Variants in CTNND2 observed in about 807,000 individuals in gnomAD.
CTNND2 encodes catenin delta 2, also known as catenin delta-2.
A neutral mutation model predicts 144.4 loss-of-function variants in CTNND2; 22 were observed. The observed-to-expected ratio is 0.15, with a 90% CI of 0.11 to 0.22. The LOEUF (loss-of-function observed/expected upper bound fraction) is 0.22. Among genes scored for constraint, CTNND2 ranks in the 10% least tolerant of loss-of-function variants. CTNND2 has a pLI of 1.00. For synonymous variants in CTNND2, 751 were observed against 695.6 expected, an observed-to-expected ratio of 1.08 and a Z score of -1.25; for missense variants, 1,353 against 1,618.8, an observed-to-expected ratio of 0.84 and a Z score of 2.82.
At chr5:11,716,186 T>C (rs1173684500) in intron 2 of CTNND2, among the ~76,000 whole-genome samples, 2 of 152,194 alleles carry the variant, frequency 1.3e-5, no homozygotes, top group Non-Finnish European at 2.9e-5. Flanking sequence ...AACTTCCGGA[T>C]TCCTTTATAC....
rs1022424821 is a variant in CTNND2 at position 11,098,809 on chromosome 5, C to T, written c.2464-61G>A. ...ACATCTTTATGCTTCCCAACTTTGCCTTCCTCAAACATTACAGGCGAAAAC... is the reference window on the plus strand; with the variant it reads ...ACATCTTTATGCTTCCCAACTTTGCTTTCCTCAAACATTACAGGCGAAAAC... On this transcript the variant is annotated intron_variant, in intron 14 of 21. Transcript: ENST00000304623. 2.6e-6 allele frequency: 4 copies of T among 1,532,046 alleles called. No homozygotes were observed. The African/African-American group carries it at 4.1e-5, about 16-fold the overall frequency. 94.9% of individuals were successfully genotyped at this position (1,532,046 alleles called of 1,614,324 possible). A position where few individuals can be genotyped will look rare whatever the true frequency, so the allele number is the denominator to read the frequency against.
intron 3 of CTNND2, among the ~76,000 whole-genome samples, chr5:11,555,301 G>A (rs763808073): frequency 4.1e-4 from 62 of 152,176 alleles, no homozygotes; most frequent in Non-Finnish European, 8.1e-4. Context: ...AGTATGGGAG[G>A]CAGCAGCTTT....
chr5:11,586,926 T>C (rs1315724106), intron 2 of CTNND2, among the ~76,000 whole-genome samples: 2 of 152,124 alleles, frequency 1.3e-5, no homozygotes, highest in Non-Finnish European at 2.9e-5. Context: ...ATCCACATAA[T>C]ATAAATACCT....
intron 15 of CTNND2, among the ~76,000 whole-genome samples, chr5:11,089,747 C>G: frequency 6.6e-6 from 1 of 152,222 alleles, no homozygotes; most frequent in East Asian, 1.9e-4. Flanking sequence ...CAGTGGCTCA[C>G]GCCTGTAATC....
At chr5:11,430,330 T>C (rs1581177476) in intron 3 of CTNND2, among the ~76,000 whole-genome samples, 1 of 125,130 alleles carries the variant, frequency 8.0e-6, no homozygotes, top group South Asian at 2.4e-4. Flanking sequence ...GAAAGGAGTA[T>C]AATGTTGGAA....
At chr5:11,130,061 G>A (rs1755416546) in intron 12 of CTNND2, among the ~76,000 whole-genome samples, 2 of 151,870 alleles carry the variant, frequency 1.3e-5, no homozygotes, top group South Asian at 4.2e-4. Context: ...CTTGCTGTTC[G>A]AATTACTATG....
intron 15 of CTNND2, among the ~76,000 whole-genome samples, chr5:11,097,424 C>T (rs1392417174): frequency 2.0e-5 from 3 of 152,118 alleles, no homozygotes; most frequent in Non-Finnish European, 4.4e-5. Context: ...GCTAATTATG[C>T]CCATTCCTAA....
intron 1 of CTNND2, among the ~76,000 whole-genome samples, chr5:11,789,958 A>C (rs1226487768): frequency 7.2e-5 from 11 of 152,206 alleles, no homozygotes. Flanking sequence ...ATCTGCTGAG[A>C]TGACCAGAAA....
At chr5:11,390,826 C>A (rs1347531552) in intron 6 of CTNND2, among the ~76,000 whole-genome samples, 4 of 152,164 alleles carry the variant, frequency 2.6e-5, no homozygotes, top group African/African-American at 9.7e-5. Flanking sequence ...CCTGGGATTA[C>A]AATCAGACTG....
At chr5:11,630,631 T>C (rs1424576311) in intron 2 of CTNND2, among the ~76,000 whole-genome samples, 1 of 152,192 alleles carries the variant, frequency 6.6e-6, no homozygotes, top group Non-Finnish European at 1.5e-5. Context: ...TATTGTTTCC[T>C]TATATATCCT....
chr5:11,492,840 G>C (rs1427004790), intron 3 of CTNND2, among the ~76,000 whole-genome samples: 2 of 152,014 alleles, frequency 1.3e-5, no homozygotes, highest in Non-Finnish European at 2.9e-5. Context: ...GGATGCTGAG[G>C]GGGGCAGATC....
intron 1 of CTNND2, among the ~76,000 whole-genome samples, chr5:11,885,600 A>G (rs561925762): frequency 1.3e-5 from 2 of 152,202 alleles, no homozygotes. Context: ...ATAATTCAAC[A>G]GTCTACTTTC....
At chr5:11,300,090 C>T (rs417568) in intron 9 of CTNND2, among the ~76,000 whole-genome samples, 31,999 of 152,048 alleles carry the variant, frequency 0.21, 3,436 homozygotes, top group Middle Eastern at 0.3. Flanking sequence ...GCAGGGACTC[C>T]ATTTCAGGAG....
chr5:11,770,408 AAAGGAAAG>A (rs1354050494), intron 1 of CTNND2, among the ~76,000 whole-genome samples: 2,399 of 142,124 alleles, frequency 0.017, 95 homozygotes, highest in Middle Eastern at 0.032. Flanking sequence ...AAACAGAAAA[AAAGGAAAG>A]AAGGAAGGAA....
intron 10 of CTNND2, among the ~76,000 whole-genome samples, chr5:11,212,160 G>T (rs1406656491): frequency 2.6e-5 from 4 of 152,110 alleles, no homozygotes; most frequent in Non-Finnish European, 5.9e-5. Flanking sequence ...ACTAAACTGT[G>T]GTTGAGAAAA....
intron 3 of CTNND2, among the ~76,000 whole-genome samples, chr5:11,481,923 T>A (rs1045805407): frequency 2.0e-5 from 3 of 151,940 alleles, no homozygotes; most frequent in African/African-American, 7.3e-5. Context: ...ATTTGAGAAG[T>A]TTTTAATTAC....
intron 12 of CTNND2, among the ~76,000 whole-genome samples, chr5:11,118,741 C>T (rs1254794120): frequency 6.6e-6 from 1 of 152,160 alleles, no homozygotes; most frequent in African/African-American, 2.4e-5. Context: ...AATGAATCTC[C>T]AGCCCGCTAT....
intron 15 of CTNND2, chr5:11,083,785 C>G: frequency 1.8e-6 from 1 of 561,756 alleles, no homozygotes. Flanking sequence ...TGGTAGGGTC[C>G]TCCTGGGGAC....
intron 1 of CTNND2, among the ~76,000 whole-genome samples, chr5:11,773,597 G>A (rs1485911730): frequency 6.6e-6 from 1 of 152,160 alleles, no homozygotes; most frequent in East Asian, 1.9e-4. Context: ...ATCACTTGAG[G>A]TCAGGAGTTA....
Sources: gnomAD v4.1 joint callset for allele counts (sites outside exome capture counted in the v4.1 genomes callset) on GRCh38, gnomAD v4.1.1 for gene constraint, MANE v1.5 for transcripts, NCBI Gene and HGNC (gene_info 2026-07-23, HGNC 2026-07-21) for gene names.